Variants in FHIP1A observed in about 807,000 individuals in gnomAD.
FHIP1A encodes the protein FHF complex subunit HOOK interacting protein 1A.
Under a neutral mutation model 88.6 loss-of-function variants are expected in FHIP1A, and 61 were observed. The observed-to-expected ratio is 0.69, with a 90% CI of 0.56 to 0.85. The LOEUF (loss-of-function observed/expected upper bound fraction) is 0.85. Ranked by LOEUF, FHIP1A falls within the 40% of genes least tolerant of loss-of-function variation. The pLI, the probability that FHIP1A is intolerant of heterozygous loss-of-function variation, is 0.00. For missense variants in FHIP1A, 1,154 were observed against 1,273.5 expected (o/e 0.91, Z 1.43); for synonymous variants, 478 against 496.0 (o/e 0.96, Z 0.48).
intron 3 of FHIP1A, among the ~76,000 whole-genome samples, chr4:151,523,494 C>G (rs775397289): frequency 5.3e-5 from 8 of 152,122 alleles, no homozygotes; most frequent in Admixed American, 5.2e-4. Context: ...AACATACTCT[C>G]TTTTGTTCTC....
At chr4:151,492,126 C>T (rs1730304273) in intron 3 of FHIP1A, among the ~76,000 whole-genome samples, 1 of 149,158 alleles carries the variant, frequency 6.7e-6, no homozygotes, top group Non-Finnish European at 1.5e-5. Context: ...AAACAGTGGT[C>T]TTAAACTATA....
intron 11 of FHIP1A, among the ~76,000 whole-genome samples, chr4:151,654,470 C>A (rs1479769060): frequency 2.0e-5 from 3 of 152,088 alleles, no homozygotes; most frequent in Admixed American, 6.6e-5. Flanking sequence ...GTTGAAGGAT[C>A]ATTTTATGGT....
chr4:151,477,172 G>A (rs756024752), intron 2 of FHIP1A, among the ~76,000 whole-genome samples: 1 of 152,080 alleles, frequency 6.6e-6, no homozygotes, highest in Non-Finnish European at 1.5e-5. Flanking sequence ...TTCTGAAAAA[G>A]AGAATAAAAT....
intron 2 of FHIP1A, among the ~76,000 whole-genome samples, chr4:151,473,897 T>C (rs545615322): frequency 2.0e-5 from 3 of 152,324 alleles, no homozygotes; most frequent in African/African-American, 7.2e-5. Flanking sequence ...AGGCTCTATA[T>C]AGGGGATGTT....
chr4:151,516,387 A>G (rs1731237225), intron 3 of FHIP1A, among the ~76,000 whole-genome samples: 2 of 152,030 alleles, frequency 1.3e-5, no homozygotes, highest in South Asian at 2.1e-4. Context: ...GGACATAGGC[A>G]TGGGCAAGGA....
Position 151,656,126 on chromosome 4 carries a change from G to T in FHIP1A, c.2552-106G>T. The T allele has an allele frequency of 1.2e-6, 1 of 860,462 alleles. No homozygotes were observed. The allele number at this position is 860,462 out of a possible 1,614,324, so 53.3% of individuals were successfully genotyped here. ...TTTGCTGTGTCTGGCTTGCACCTGT[G>T]GGCCCATGGTGGTTTGGGAGATGTG... On this transcript the variant is annotated intron_variant, in intron 11 of 13. Coordinates refer to ENST00000435205, the MANE Select transcript of FHIP1A (RefSeq NM_001109977.3). The surrounding 1 kb of genome is among the most constrained non-coding windows in gnomAD (Gnocchi z 4.2).
chr4:151,649,959 G>A lies in FHIP1A; in HGVS notation c.1918G>A (p.Asp640Asn). ...GSYIEESDFQ[D>N]DVMVYRLCAE... ...CTACATAGAAGAGTCGGACTTTCAG[G>A]ATGATGTGATGGTGTACAGGCTGTG... The change falls in exon 11 of 14, where the codon GAT (aspartate) becomes AAT (asparagine). Residue 640 changes from aspartate (D) to asparagine (N), a missense_variant. Coordinates refer to ENST00000435205, the MANE Select transcript of FHIP1A (RefSeq NM_001109977.3). 1 of 1,551,628 alleles carries A rather than the reference G, an allele frequency of 6.4e-7. No homozygotes were observed. Among genetic ancestry groups the A allele is most frequent in the Non-Finnish European group, 8.7e-7 (1 of 1,146,980 alleles).
chr4:151,497,195 G>T (rs1319343858), intron 3 of FHIP1A, among the ~76,000 whole-genome samples: 4 of 152,108 alleles, frequency 2.6e-5, no homozygotes, highest in Non-Finnish European at 5.9e-5. Context: ...CTCTAATTCT[G>T]TTATCTCTTA....
Position 151,662,952 on chromosome 4 carries a change from G to A in FHIP1A, c.*198G>A. ...TTCCACCTTATGTTATATATAGAAT[G>A]TAAGTCTCATAAGCTGGTTGCTCCC... On this transcript the variant is annotated 3_prime_UTR_variant, in exon 14 of 14. Coordinates refer to ENST00000435205, the MANE Select transcript of FHIP1A (RefSeq NM_001109977.3). 1 of 491,598 alleles carries A rather than the reference G, an allele frequency of 2.0e-6. No individual in the cohort carries two copies. 30.5% of individuals were successfully genotyped at this position (491,598 alleles called of 1,614,324 possible). A position where few individuals can be genotyped will look rare whatever the true frequency, so the allele number is the denominator to read the frequency against.
At chr4:151,487,011 A>AT (rs1253935143) in intron 3 of FHIP1A, among the ~76,000 whole-genome samples, 4 of 151,610 alleles carry the variant, frequency 2.6e-5, no homozygotes, top group African/African-American at 9.7e-5. Context: ...ACTATATAAT[A>AT]TTTTTCTGAG....
chr4:151,484,307 A>G (rs143430216), intron 3 of FHIP1A, among the ~76,000 whole-genome samples: 3 of 152,350 alleles, frequency 2.0e-5, no homozygotes, highest in African/African-American at 7.2e-5. Context: ...AGAAAGCAGC[A>G]TGAGTGATAG....
At chr4:151,573,795 G>C (rs1212882447) in intron 4 of FHIP1A, among the ~76,000 whole-genome samples, 3 of 151,994 alleles carry the variant, frequency 2.0e-5, no homozygotes, top group African/African-American at 7.2e-5. Context: ...CAGGGACACA[G>C]AAATATTGGA....
chr4:151,561,732 T>G (rs1733180545), intron 3 of FHIP1A, among the ~76,000 whole-genome samples: 1 of 152,160 alleles, frequency 6.6e-6, no homozygotes, highest in Non-Finnish European at 1.5e-5. Flanking sequence ...AATTTTTCTA[T>G]TGGCAGTTGC....
intron 1 of FHIP1A, among the ~76,000 whole-genome samples, chr4:151,441,896 C>CA (rs1728425943): frequency 6.6e-6 from 1 of 152,074 alleles, no homozygotes; most frequent in African/African-American, 2.4e-5. Flanking sequence ...ACTGAGGACA[C>CA]AAAAGACATT....
chr4:151,412,280 AT>A (rs2126501310), intron 1 of FHIP1A, among the ~76,000 whole-genome samples: 1 of 151,908 alleles, frequency 6.6e-6, no homozygotes, highest in Non-Finnish European at 1.5e-5. Flanking sequence ...TTTTTTTTGT[AT>A]TTTTAGTAGA....
At chr4:151,542,159 C>T (rs1732319280) in intron 3 of FHIP1A, among the ~76,000 whole-genome samples, 1 of 152,032 alleles carries the variant, frequency 6.6e-6, no homozygotes, top group African/African-American at 2.4e-5. Context: ...CTAACTTTTC[C>T]TGGTTGTGTG....
At chr4:151,498,135 A>G (rs1399400379) in intron 3 of FHIP1A, among the ~76,000 whole-genome samples, 1 of 152,172 alleles carries the variant, frequency 6.6e-6, no homozygotes, top group African/African-American at 2.4e-5. Context: ...TCTCTGATCT[A>G]TTGTGGTAAT....
At position 151,578,170 on chromosome 4, in the gene FHIP1A, A is replaced by G; in HGVS notation, c.732+94A>G. The G allele has an allele frequency of 6.7e-6, 8 of 1,195,304 alleles. No homozygotes were observed. In the South Asian group the frequency reaches 1.3e-4, roughly 19 times the overall value. The allele number at this position is 1,195,304 out of a possible 1,614,324, so 74.0% of individuals were successfully genotyped here. ...CTTTCTTACTCCCTTTTTTTCTCCC[A>G]GTAAGTTGTACTTGGCACTTCCTAT... On this transcript the variant is annotated intron_variant, in intron 5 of 13. Coordinates refer to ENST00000435205, the MANE Select transcript of FHIP1A (RefSeq NM_001109977.3).
chr4:151,586,872 T>C (rs1178093769), intron 6 of FHIP1A, 73 bp downstream of exon 6: 29 of 1,145,098 alleles, frequency 2.5e-5, no homozygotes, highest in Non-Finnish European at 3.2e-5. Flanking sequence ...GGATTAATTT[T>C]AAAACGTTCA....
Sources: allele counts gnomAD v4.1 joint callset (sites outside exome capture counted in the v4.1 genomes callset), GRCh38; gene constraint gnomAD v4.1.1; non-coding constraint Gnocchi (gnomAD v3.1); transcripts MANE v1.5; gene names NCBI Gene and HGNC (gene_info 2026-07-23, HGNC 2026-07-21).